CEP128: variants seen among roughly 807,000 people sequenced by gnomAD.
The protein encoded by CEP128 is centrosomal protein 128.
CEP128 carries 132 observed loss-of-function variants against 156.7 expected under a neutral mutation model. That is an observed-to-expected ratio of 0.84 (90% CI 0.73 to 0.97). CEP128 has a LOEUF of 0.97. Among genes scored for constraint, CEP128 ranks in the 50% least tolerant of loss-of-function variants. The pLI is 0.00. For synonymous variants in CEP128, 469 were observed against 448.9 expected, an observed-to-expected ratio of 1.04 and a Z score of -0.57; for missense variants, 1,252 against 1,281.9, an observed-to-expected ratio of 0.98 and a Z score of 0.36.
chr14:80,647,086 T>C (rs750581275), intron 19 of CEP128, among the ~76,000 whole-genome samples: 39,645 of 74,148 alleles, frequency 0.53, 13,002 homozygotes, highest in Non-Finnish European at 0.65. Flanking sequence ...TATATATATA[T>C]ACACCCTTAT....
chr14:80,750,926 T>C (rs1899357799), intron 18 of CEP128, among the ~76,000 whole-genome samples: 1 of 152,180 alleles, frequency 6.6e-6, no homozygotes, highest in Admixed American at 6.5e-5. Flanking sequence ...AATAAGGTCA[T>C]AAGAGTGGAC....
chr14:80,880,290 T>TA (rs1296567979), intron 8 of CEP128, among the ~76,000 whole-genome samples: 2 of 151,972 alleles, frequency 1.3e-5, no homozygotes, highest in Non-Finnish European at 2.9e-5. Flanking sequence ...ACTTTCTTGA[T>TA]AAAAACTGTC....
At chr14:80,591,362 G>A (rs1892059020) in intron 19 of CEP128, among the ~76,000 whole-genome samples, 1 of 151,956 alleles carries the variant, frequency 6.6e-6, no homozygotes, top group Non-Finnish European at 1.5e-5. Flanking sequence ...TGCAATCCTA[G>A]TCTCTGATAA....
chr14:80,922,257 G>T (rs918081067), intron 2 of CEP128, among the ~76,000 whole-genome samples: 14 of 151,940 alleles, frequency 9.2e-5, no homozygotes, highest in African/African-American at 2.2e-4. Flanking sequence ...TAGTCCCCTG[G>T]CATCTACCTA....
At chr14:80,900,093 C>A in intron 6 of CEP128, 64 bp from the exon 7 acceptor site, 2 of 1,034,176 alleles carry the variant, frequency 1.9e-6, no homozygotes, top group South Asian at 2.8e-5. Flanking sequence ...GAAGATTCAC[C>A]AAAGGTAAGA....
intron 1 of CEP128, among the ~76,000 whole-genome samples, chr14:80,941,053 G>A (rs1307794488): frequency 1.3e-5 from 2 of 152,140 alleles, no homozygotes; most frequent in African/African-American, 2.4e-5. Context: ...GTATTTTTAC[G>A]AAATAATTCA....
At chr14:80,647,059 A>ATGTGTGTGTG (rs1566831586) in intron 19 of CEP128, among the ~76,000 whole-genome samples, 2 of 17,318 alleles carry the variant, frequency 1.2e-4, no homozygotes, top group Non-Finnish European at 2.4e-4. Flanking sequence ...ATATATATAT[A>ATGTGTGTGTG]TATATATATA....
chr14:80,753,107 T>A (rs1231250631), intron 18 of CEP128, among the ~76,000 whole-genome samples: 1 of 152,176 alleles, frequency 6.6e-6, no homozygotes, highest in Non-Finnish European at 1.5e-5. Flanking sequence ...TTTTCTATAA[T>A]ATTTAAGTTA....
In CEP128 at chr14:80,895,649, T is replaced by C. The variant is rs2139395891; in HGVS notation, c.645+69A>G. ...AAGGTTAAACTCTACTAAACTTCAC[T>C]GTGATTATGACCAGCCTACCCATCC... On this transcript the variant is annotated intron_variant, in intron 8 of 24. Transcript: ENST00000555265. The C allele has an allele frequency of 1.4e-5, 16 of 1,113,030 alleles. 1 individual carries two copies. The South Asian group carries it at 2.2e-4, about 15-fold the overall frequency. 68.9% of individuals were successfully genotyped at this position (1,113,030 alleles called of 1,614,324 possible). A position where few individuals can be genotyped will look rare whatever the true frequency, so the allele number is the denominator to read the frequency against.
intron 23 of CEP128, among the ~76,000 whole-genome samples, chr14:80,512,483 AGT>A: frequency 6.6e-6 from 1 of 151,898 alleles, no homozygotes; most frequent in Non-Finnish European, 1.5e-5. Context: ...TTATAGGTGA[AGT>A]GTGTTTCTTG....
intron 13 of CEP128, among the ~76,000 whole-genome samples, chr14:80,808,721 C>A: frequency 6.6e-6 from 1 of 151,836 alleles, no homozygotes; most frequent in Non-Finnish European, 1.5e-5. Flanking sequence ...ATAACTGTAC[C>A]CTAAACCACC....
At chr14:80,775,986 A>G (rs976543686) in intron 16 of CEP128, among the ~76,000 whole-genome samples, 2 of 152,112 alleles carry the variant, frequency 1.3e-5, no homozygotes, top group African/African-American at 4.8e-5. Flanking sequence ...GGTGCTCGCC[A>G]CCACACCCGG....
At chr14:80,682,498 A>C (rs1230453873) in intron 19 of CEP128, among the ~76,000 whole-genome samples, 3 of 152,338 alleles carry the variant, frequency 2.0e-5, no homozygotes, top group African/African-American at 7.2e-5. Flanking sequence ...TGAAGGAGAA[A>C]AAGTAAATAA....
intron 19 of CEP128, among the ~76,000 whole-genome samples, chr14:80,713,878 C>A (rs1897504610): frequency 6.6e-6 from 1 of 152,160 alleles, no homozygotes; most frequent in African/African-American, 2.4e-5. Flanking sequence ...GAGTCAGCAG[C>A]ATGAAAAATC....
chr14:80,887,894 A>G (rs1419784083), intron 8 of CEP128, among the ~76,000 whole-genome samples: 1 of 152,208 alleles, frequency 6.6e-6, no homozygotes, highest in Non-Finnish European at 1.5e-5. Context: ...AGACTAATAA[A>G]GAAGAAAAGA....
At chr14:80,886,753 T>C (rs1444086769) in intron 8 of CEP128, among the ~76,000 whole-genome samples, 1 of 152,166 alleles carries the variant, frequency 6.6e-6, no homozygotes, top group Admixed American at 6.5e-5. Context: ...AGCATCATAA[T>C]GACAGGATCA....
At chr14:80,872,778 C>G (rs112641813) in intron 8 of CEP128, among the ~76,000 whole-genome samples, 4 of 152,260 alleles carry the variant, frequency 2.6e-5, no homozygotes, top group African/African-American at 9.6e-5. Flanking sequence ...AAATACAACA[C>G]AATACATCGA....
intron 6 of CEP128, among the ~76,000 whole-genome samples, chr14:80,491,165 C>T (rs760793491): frequency 2.0e-5 from 3 of 152,150 alleles, no homozygotes; most frequent in Non-Finnish European, 4.4e-5. Flanking sequence ...GAGCAATGAC[C>T]ACCACTGTTA....
chr14:80,881,254 G>A (rs973610796), intron 8 of CEP128, among the ~76,000 whole-genome samples: 1 of 152,058 alleles, frequency 6.6e-6, no homozygotes, highest in African/African-American at 2.4e-5. Context: ...AACTGCTACT[G>A]CAGAAATTCA....
Sources: gnomAD v4.1 joint callset for allele counts (sites outside exome capture counted in the v4.1 genomes callset) on GRCh38, gnomAD v4.1.1 for gene constraint, MANE v1.5 for transcripts, NCBI Gene and HGNC (gene_info 2026-07-23, HGNC 2026-07-21) for gene names.